The following BTBD1 variants were observed in gnomAD, a reference collection of about 807,000 sequenced individuals.
BTBD1 encodes BTB/POZ domain-containing protein 1.
Under a neutral mutation model 48.0 loss-of-function variants are expected in BTBD1, and 34 were observed. That is an observed-to-expected ratio of 0.71 (90% CI 0.54 to 0.94). The LOEUF is 0.94. BTBD1 is among the 40% of genes least tolerant of loss of function. The pLI is 0.00. For missense variants in BTBD1, 543 were observed against 625.6 expected (o/e 0.87, Z 1.41); for synonymous variants, 261 against 242.1 (o/e 1.08, Z -0.72).
intron 3 of BTBD1, among the ~76,000 whole-genome samples, chr15:83,043,133 G>C (rs1292491269): frequency 1.3e-5 from 2 of 152,192 alleles, no homozygotes; most frequent in East Asian, 1.9e-4. Flanking sequence ...AACAGAGTGA[G>C]ACTGTGCCAA....
intron 3 of BTBD1, among the ~76,000 whole-genome samples, chr15:83,049,495 G>A (rs2032937690): frequency 6.6e-6 from 1 of 152,162 alleles, no homozygotes; most frequent in Non-Finnish European, 1.5e-5. Flanking sequence ...GCAATTTGAA[G>A]TAATCGCACC....
At chr15:83,036,726 A>G (rs2032637734) in intron 4 of BTBD1, among the ~76,000 whole-genome samples, 1 of 152,240 alleles carries the variant, frequency 6.6e-6, no homozygotes, top group African/African-American at 2.4e-5. Context: ...ATTATAAAGC[A>G]ATGAAAAAGA....
chr15:83,030,036 A>T, intron 5 of BTBD1, 100 bp downstream of exon 5: 2 of 1,094,682 alleles, frequency 1.8e-6, no homozygotes, highest in Non-Finnish European at 2.7e-6. Flanking sequence ...AATGAAGTAT[A>T]AAATGAAATG....
At chr15:83,025,012 A>G (rs1008783745) in intron 5 of BTBD1, among the ~76,000 whole-genome samples, 3 of 152,164 alleles carry the variant, frequency 2.0e-5, no homozygotes, top group African/African-American at 7.2e-5. Flanking sequence ...TGTCATCTGT[A>G]TTACTCTTAT....
intron 4 of BTBD1, 27 bp from the exon 5 acceptor site, chr15:83,030,355 A>G (rs1290268254): frequency 5.1e-6 from 8 of 1,572,000 alleles, no homozygotes; most frequent in African/African-American, 1.4e-5. Context: ...ATAAGCCTAA[A>G]AAAAGGAATT....
At chr15:83,030,652 C>G (rs1330509471) in intron 4 of BTBD1, 1 of 186,000 alleles carries the variant, frequency 5.4e-6, no homozygotes, top group African/African-American at 2.4e-5. Context: ...ATCTAAGAAA[C>G]CATAAAAATT....
At chr15:83,032,977 A>AAAAAAAAAAAAAAAC (rs752456266) in intron 4 of BTBD1, among the ~76,000 whole-genome samples, 7 of 149,424 alleles carry the variant, frequency 4.7e-5, no homozygotes, top group Admixed American at 6.8e-5. Flanking sequence ...CTCAAAAAAA[A>AAAAAAAAAAAAAAAC]AAAAAAAAAA....
rs1264653061 is a variant in BTBD1 at position 83,018,067 on chromosome 15, T to C, written c.1449A>G (p.Ter483=). Residue 483 remains the stop codon, a stop_retained_variant, in exon 8 of 8, where the codon TAA becomes TAG. Transcript: ENST00000261721. ...GQIPEIIFYT[*] ...AGCCAAGATGTATTATAATGCTAAA[T>C]TATGTATAAAATATGATTTCTGGAA... The C allele has an allele frequency of 1.9e-6, 3 of 1,595,192 alleles. No individual in the cohort carries two copies. Among genetic ancestry groups the C allele is most frequent in the Non-Finnish European group, 2.6e-6 (3 of 1,167,342 alleles).
chr15:83,028,871 T>C (rs765034694), intron 5 of BTBD1: 11 of 152,300 alleles, frequency 7.2e-5, no homozygotes, highest in Non-Finnish European at 1.3e-4. Context: ...AGAGGTTTAT[T>C]TATTTTATTG....
At chr15:83,066,625 C>T (rs1256865570) in intron 1 of BTBD1, 126 bp downstream of exon 1, 3 of 1,054,350 alleles carry the variant, frequency 2.8e-6, no homozygotes, top group Non-Finnish European at 3.6e-6. Context: ...AAACTGAGGC[C>T]CCGGGCGGGT....
intron 1 of BTBD1, 81 bp from the exon 2 acceptor site, chr15:83,056,626 GTATT>G (rs2033088070): frequency 8.3e-7 from 1 of 1,208,168 alleles, no homozygotes; most frequent in African/African-American, 1.5e-5. Context: ...TTTCTGAGGA[GTATT>G]TACTTATATT....
intron 2 of BTBD1, among the ~76,000 whole-genome samples, chr15:83,053,757 C>T (rs974410401): frequency 6.6e-6 from 1 of 152,208 alleles, no homozygotes; most frequent in Admixed American, 6.5e-5. Flanking sequence ...TACTTCACCT[C>T]TCTGTGCCTC....
intron 3 of BTBD1, 63 bp from the exon 4 acceptor site, chr15:83,041,988 C>A (rs990790834): frequency 7.4e-6 from 10 of 1,352,946 alleles, no homozygotes; most frequent in Non-Finnish European, 1.0e-5. Context: ...CAAGCAATAC[C>A]AACAGACACA....
At chr15:83,028,052 G>A (rs2032445716) in intron 5 of BTBD1, among the ~76,000 whole-genome samples, 1 of 152,202 alleles carries the variant, frequency 6.6e-6, no homozygotes, top group East Asian at 1.9e-4. Flanking sequence ...TTAGTAAAGT[G>A]GGAATTACAA....
intron 5 of BTBD1, among the ~76,000 whole-genome samples, chr15:83,026,888 C>T (rs2032419720): frequency 6.6e-6 from 1 of 152,128 alleles, no homozygotes; most frequent in African/African-American, 2.4e-5. Context: ...AAGGAATATA[C>T]AGTCAATTCT....
Position 83,040,077 on chromosome 15 carries a change from G to A in BTBD1, c.862+1651C>T, listed in dbSNP as rs575871485. Among the ~76,000 whole-genome samples the A allele has an allele frequency of 4.0e-5, 6 of 151,730 alleles. No homozygotes were observed. In the South Asian group the frequency reaches 1.0e-3, roughly 26 times the overall value. On this transcript the variant is annotated intron_variant, in intron 4 of 7. Transcript: ENST00000261721. Reference sequence around the variant, plus strand: ...AAAAAAGAACAAAATCATGCCTTTCGCAGCAACATGGATGCAGCTAGAAGC... The same window carrying A: ...AAAAAAGAACAAAATCATGCCTTTCACAGCAACATGGATGCAGCTAGAAGC...
chr15:83,040,662 C>T lies in BTBD1; in HGVS notation c.862+1066G>A, dbSNP rs149505353. On this transcript the variant is annotated intron_variant, in intron 4 of 7. Coordinates refer to ENST00000261721, the MANE Select transcript of BTBD1 (RefSeq NM_025238.4). ...TTGCGGTGAGCTGAGATCGCACGACCGCACTCCAGCCTGAGCAACAGAGGG... is the reference window on the plus strand; with the variant it reads ...TTGCGGTGAGCTGAGATCGCACGACTGCACTCCAGCCTGAGCAACAGAGGG... 1.5e-3 allele frequency among the ~76,000 whole-genome samples: 215 copies of T among 145,894 alleles called. 1 individual carries two copies. The highest frequency in any genetic ancestry group is 5.2e-3 in the African/African-American group (203 of 38,992).
intron 4 of BTBD1, among the ~76,000 whole-genome samples, chr15:83,032,977 A>AAAAAAAAAAAAAAAAAAAAAAAAAAC (rs752456266): frequency 1.3e-5 from 2 of 149,414 alleles, no homozygotes; most frequent in Non-Finnish European, 3.0e-5. Flanking sequence ...CTCAAAAAAA[A>AAAAAAAAAAAAAAAAAAAAAAAAAAC]AAAAAAAAAA....
intron 4 of BTBD1, among the ~76,000 whole-genome samples, chr15:83,039,417 T>G (rs1382127533): frequency 6.6e-6 from 1 of 152,118 alleles, no homozygotes; most frequent in African/African-American, 2.4e-5. Flanking sequence ...TGTTCACTGA[T>G]GGTGGGAATG....
Sources: gnomAD v4.1 joint callset for allele counts (sites outside exome capture counted in the v4.1 genomes callset) on GRCh38, gnomAD v4.1.1 for gene constraint, MANE v1.5 for transcripts, NCBI Gene and HGNC (gene_info 2026-07-23, HGNC 2026-07-21) for gene names.